The following ARHGEF28 variants were observed in gnomAD, a reference collection of about 807,000 sequenced individuals.
ARHGEF28 encodes 190 kDa guanine nucleotide exchange factor.
ARHGEF28 carries 152 observed loss-of-function variants against 206.6 expected under a neutral mutation model. The ratio of observed to expected loss-of-function variants is 0.74; its 90% CI spans 0.64 to 0.84. The LOEUF (loss-of-function observed/expected upper bound fraction) is 0.84, where lower values mean the gene tolerates loss of function less well. ARHGEF28 is among the 40% of genes least tolerant of loss of function. The probability of loss-of-function intolerance (pLI) is 0.00; values close to 1 mark genes in which losing one functional copy is unlikely to be tolerated. For missense variants in ARHGEF28, 2,028 were observed against 2,073.2 expected, an observed-to-expected ratio of 0.98 and a Z score of 0.42; for synonymous variants, 763 against 776.4, an observed-to-expected ratio of 0.98 and a Z score of 0.29.
At chr5:73,871,744 T>C (rs2112641071) in intron 21 of ARHGEF28, among the ~76,000 whole-genome samples, 2 of 152,364 alleles carry the variant, frequency 1.3e-5, no homozygotes, top group Middle Eastern at 6.8e-3. Context: ...ATCCTGTACA[T>C]GTTACTAGTC....
At chr5:73,759,497 A>G (rs116757582) in intron 4 of ARHGEF28, among the ~76,000 whole-genome samples, 1,660 of 152,288 alleles carry the variant, frequency 0.011, 30 homozygotes, top group African/African-American at 0.038. Flanking sequence ...TTGTTTTTCT[A>G]TGCTTTACAC....
intron 9 of ARHGEF28, among the ~76,000 whole-genome samples, chr5:73,826,389 A>G (rs894631756): frequency 6.6e-6 from 1 of 152,198 alleles, no homozygotes; most frequent in Non-Finnish European, 1.5e-5. Flanking sequence ...GAATGAAACC[A>G]ATCTACTCAG....
At chr5:73,742,579 C>T (rs1424633051) in intron 2 of ARHGEF28, among the ~76,000 whole-genome samples, 1 of 151,396 alleles carries the variant, frequency 6.6e-6, no homozygotes, top group Non-Finnish European at 1.5e-5. Flanking sequence ...AATCCCAGCA[C>T]TTTGGGAGGC....
Position 73,698,820 on chromosome 5 carries a change from G to A in ARHGEF28, c.33+13936G>A, listed in dbSNP as rs534984617. On this transcript the variant is annotated intron_variant, in intron 2 of 35. Transcript: ENST00000513042. ...GAGACTGGAATTAGCCGGGTCACAG[G>A]CAGGTGAAGGGTGGTCCAAGGAGAA... 4.6e-5 allele frequency among the ~76,000 whole-genome samples: 7 copies of A among 152,052 alleles called. No homozygotes were observed. In the South Asian group the frequency reaches 1.5e-3, roughly 32 times the overall value.
chr5:73,823,495 CA>C, intron 9 of ARHGEF28, among the ~76,000 whole-genome samples: 1 of 152,108 alleles, frequency 6.6e-6, no homozygotes. Context: ...CTAGAAATAG[CA>C]GTTGACATCT....
rs78970134 is a variant in ARHGEF28, at chr5:73,632,074, A to T, written c.-12+5752A>T. 9.8e-3 allele frequency among the ~76,000 whole-genome samples: 1,492 copies of T among 152,312 alleles called. 32 individuals carry two copies. The highest frequency in any genetic ancestry group is 0.034 in the African/African-American group (1,400 of 41,558). Reference sequence around the variant, plus strand: ...TTGTAGGGTGCTCAAAGTAGAATATACACGTGTTGGTCAGTTATTTAGTTA... The same window carrying T: ...TTGTAGGGTGCTCAAAGTAGAATATTCACGTGTTGGTCAGTTATTTAGTTA... On this transcript the variant is annotated intron_variant, in intron 1 of 35. Coordinates refer to ENST00000513042, the MANE Select transcript of ARHGEF28 (RefSeq NM_001177693.2).
At chr5:73,880,442 C>T (rs1162061962) in intron 22 of ARHGEF28, among the ~76,000 whole-genome samples, 6 of 152,164 alleles carry the variant, frequency 3.9e-5, no homozygotes, top group African/African-American at 1.2e-4. Flanking sequence ...CACTGTCCTG[C>T]GCCCACTGTC....
intron 1 of ARHGEF28, among the ~76,000 whole-genome samples, chr5:73,673,586 T>C (rs1046035694): frequency 6.6e-6 from 1 of 152,194 alleles, no homozygotes; most frequent in African/African-American, 2.4e-5. Flanking sequence ...CAGTTACTGC[T>C]GAGTCATTTT....
intron 7 of ARHGEF28, among the ~76,000 whole-genome samples, chr5:73,790,706 G>C (rs1754430518): frequency 6.6e-6 from 1 of 151,642 alleles, no homozygotes; most frequent in African/African-American, 2.4e-5. Flanking sequence ...AGGAATAACT[G>C]GGATATTGAA....
rs556154445 is a variant in ARHGEF28 at position 73,909,261 on chromosome 5, G to T, written c.4162-151G>T. On this transcript the variant is annotated intron_variant, in intron 33 of 35. Coordinates refer to ENST00000513042, the MANE Select transcript of ARHGEF28 (RefSeq NM_001177693.2). ...ACCTCTCTGGAACGCCAAAAACCTT[G>T]CCTTTGGAGGTAACTTAGAAAAAGG... 44 of 1,171,890 alleles carry T rather than the reference G, an allele frequency of 3.8e-5. No homozygotes were observed. In the Admixed American group the frequency reaches 1.2e-3, roughly 32 times the overall value. The allele number at this position is 1,171,890 out of a possible 1,614,324, so 72.6% of individuals were successfully genotyped here. A position where few individuals can be genotyped will look rare whatever the true frequency, so the allele number is the denominator to read the frequency against.
chr5:73,883,707 T>G (rs1200474189), intron 23 of ARHGEF28, 60 bp from the exon 24 acceptor site: 1 of 1,110,688 alleles, frequency 9.0e-7, no homozygotes, highest in African/African-American at 1.6e-5. Context: ...ATTGTTACAT[T>G]CACACCTGAA....
At chr5:73,867,728 G>C in intron 18 of ARHGEF28, 148 bp from the exon 19 acceptor site, 1 of 1,070,570 alleles carries the variant, frequency 9.3e-7, no homozygotes, top group Non-Finnish European at 1.3e-6. Context: ...CAAGTGTCAG[G>C]ATCTAGCAGG....
chr5:73,737,051 A>G (rs2112362849), intron 2 of ARHGEF28, among the ~76,000 whole-genome samples: 1 of 152,292 alleles, frequency 6.6e-6, no homozygotes, highest in East Asian at 1.9e-4. Flanking sequence ...GGGATGTGCC[A>G]TTAGTAGGAT....
rs1260099060 is a variant in ARHGEF28 at position 73,869,226 on chromosome 5, G to GC, written c.2426-843_2426-842insC. Among the ~76,000 whole-genome samples the GC allele has an allele frequency of 2.9e-4, 38 of 130,712 alleles. 2 individuals are homozygous for GC. The highest frequency in any genetic ancestry group is 1.3e-4 in the Non-Finnish European group (8 of 62,204). The allele number at this position is 130,712 out of a possible 152,430, so 85.8% of individuals were successfully genotyped here. Reference sequence around the variant, plus strand: ...CTGAGGAGTGTGTGTGTGGGGTGGAGGGGGGTGGGGAAGGGCATGTATGTA... The same window carrying GC: ...CTGAGGAGTGTGTGTGTGGGGTGGAGCGGGGGTGGGGAAGGGCATGTATGTA... On this transcript the variant is annotated intron_variant, in intron 20 of 35. Transcript: ENST00000513042.
intron 1 of ARHGEF28, among the ~76,000 whole-genome samples, chr5:73,629,187 C>G (rs1044707425): frequency 6.6e-6 from 1 of 152,042 alleles, no homozygotes; most frequent in Admixed American, 6.6e-5. Context: ...GACTTTTGCA[C>G]ACTCCACATT....
chr5:73,916,627 C>A (rs1763228474), intron 35 of ARHGEF28, among the ~76,000 whole-genome samples: 1 of 152,150 alleles, frequency 6.6e-6, no homozygotes, highest in Non-Finnish European at 1.5e-5. Flanking sequence ...ACCATAATGA[C>A]CTCAATTAAC....
intron 22 of ARHGEF28, among the ~76,000 whole-genome samples, chr5:73,873,832 C>T (rs1374485803): frequency 1.3e-5 from 2 of 152,150 alleles, no homozygotes; most frequent in African/African-American, 4.8e-5. Flanking sequence ...CTGCTATGAA[C>T]ACTCAGGTGC....
At chr5:73,762,185 G>A (rs1035002095) in intron 4 of ARHGEF28, among the ~76,000 whole-genome samples, 6 of 151,816 alleles carry the variant, frequency 4.0e-5, no homozygotes, top group Non-Finnish European at 5.9e-5. Flanking sequence ...GCTGAGTGTG[G>A]TGGCTCACAC....
chr5:73,780,618 T>C, intron 6 of ARHGEF28, 58 bp from the exon 7 acceptor site: 1 of 1,499,180 alleles, frequency 6.7e-7, no homozygotes, highest in South Asian at 1.2e-5. Flanking sequence ...GTTGTATATC[T>C]GGAACCTCAA....
Sources: gnomAD v4.1 joint callset for allele counts (sites outside exome capture counted in the v4.1 genomes callset) on GRCh38, gnomAD v4.1.1 for gene constraint, MANE v1.5 for transcripts, NCBI Gene and HGNC (gene_info 2026-07-23, HGNC 2026-07-21) for gene names.